The following PPP6R3 variants were observed in gnomAD, a reference collection of about 807,000 sequenced individuals.
PPP6R3 encodes serine/threonine-protein phosphatase 6 regulatory subunit 3.
PPP6R3 carries 38 observed loss-of-function variants against 110.7 expected under a neutral mutation model. The observed-to-expected ratio is 0.34, with a 90% CI of 0.26 to 0.45. The LOEUF is 0.45. Ranked by LOEUF, PPP6R3 falls within the 20% of genes least tolerant of loss-of-function variation. The pLI is 1.00. For synonymous variants in PPP6R3, 369 were observed against 373.5 expected, an observed-to-expected ratio of 0.99 and a Z score of 0.14; for missense variants, 870 against 1,062.4, an observed-to-expected ratio of 0.82 and a Z score of 2.52.
intron 20 of PPP6R3, among the ~76,000 whole-genome samples, chr11:68,601,123 C>T (rs1420486955): frequency 6.6e-6 from 1 of 152,180 alleles, no homozygotes; most frequent in Non-Finnish European, 1.5e-5. Context: ...CTCAGAGGTA[C>T]AAGTGAGATT....
chr11:68,536,311 A>G (rs910017512), intron 2 of PPP6R3, among the ~76,000 whole-genome samples: 4 of 151,898 alleles, frequency 2.6e-5, no homozygotes, highest in African/African-American at 9.7e-5. Flanking sequence ...TTGTGGAAAC[A>G]GGGTCCTCAC....
intron 1 of PPP6R3, among the ~76,000 whole-genome samples, chr11:68,510,054 C>CTT (rs372113258): frequency 0.06 from 4,606 of 76,924 alleles, 474 homozygotes; most frequent in African/African-American, 0.085. Flanking sequence ...TGTGCTCGGC[C>CTT]TTTTTTTTTT....
intron 1 of PPP6R3, among the ~76,000 whole-genome samples, chr11:68,477,324 A>G (rs1591673167): frequency 1.3e-5 from 2 of 152,072 alleles, no homozygotes; most frequent in African/African-American, 4.8e-5. Context: ...ACTTTATGAT[A>G]GACTTATTGG....
chr11:68,528,826 C>T (rs920710446), intron 2 of PPP6R3, among the ~76,000 whole-genome samples: 3 of 152,200 alleles, frequency 2.0e-5, no homozygotes, highest in Non-Finnish European at 2.9e-5. Flanking sequence ...TTGTCAGGCA[C>T]TGTTCAACTA....
chr11:68,587,944 GATGCAACAAATGACGTCCA>G lies in PPP6R3; in HGVS notation c.1653_1671del (p.Met551IlefsTer121). The stretch of plus-strand genomic sequence containing the variant: ...GTTGCCAGGCCTTTTCTGATTATCA[GATGCAACAAATGACGTCCA>G]ATTTTATTGACCAGTTTGGCTTCAA... On this transcript the variant is annotated frameshift_variant, in exon 16 of 24. Coordinates refer to ENST00000393800, the MANE Select transcript of PPP6R3 (RefSeq NM_001164161.2). LOFTEE classifies it high-confidence loss of function. The G allele has an allele frequency of 6.2e-7, 1 of 1,614,176 alleles. No homozygotes were observed. Among genetic ancestry groups the G allele is most frequent in the Non-Finnish European group, 8.5e-7 (1 of 1,180,014 alleles).
chr11:68,535,954 A>G (rs1250609321), intron 2 of PPP6R3, among the ~76,000 whole-genome samples: 1 of 152,048 alleles, frequency 6.6e-6, no homozygotes, highest in Admixed American at 6.6e-5. Context: ...GTGACAGAGC[A>G]AGACTCTGTC....
intron 1 of PPP6R3, among the ~76,000 whole-genome samples, chr11:68,508,088 C>CT (rs1335899074): frequency 7.5e-6 from 1 of 132,968 alleles, no homozygotes. Context: ...ATTACTACTG[C>CT]TTTTTTTCCC....
intron 3 of PPP6R3, among the ~76,000 whole-genome samples, chr11:68,540,660 C>T (rs1173994318): frequency 6.6e-6 from 1 of 151,644 alleles, no homozygotes; most frequent in Non-Finnish European, 1.5e-5. Flanking sequence ...TGTCTCACCT[C>T]TGCACTGACC....
At chr11:68,605,208 T>G (rs561786734) in intron 22 of PPP6R3, among the ~76,000 whole-genome samples, 1 of 152,188 alleles carries the variant, frequency 6.6e-6, no homozygotes, top group East Asian at 1.9e-4. Context: ...AGTGTGGTGG[T>G]GTGTGCCTGT....
At chr11:68,561,201 C>T (rs1203813005) in intron 8 of PPP6R3, among the ~76,000 whole-genome samples, 1 of 152,146 alleles carries the variant, frequency 6.6e-6, no homozygotes, top group Non-Finnish European at 1.5e-5. Flanking sequence ...ATACCTTATA[C>T]AATGTAAATG....
chr11:68,495,804 A>G (rs1325682643), intron 1 of PPP6R3, among the ~76,000 whole-genome samples: 1 of 152,142 alleles, frequency 6.6e-6, no homozygotes, highest in Admixed American at 6.6e-5. Context: ...TTTATGTACA[A>G]ATTATTCTGT....
Position 68,614,028 on chromosome 11 carries a change from A to C in PPP6R3, c.*911A>C, listed in dbSNP as rs1944685675. ...CATCACCAATGAACATTTCAGAGCA[A>C]TCTGCATATTTAACAGACCTAAAAT... On this transcript the variant is annotated 3_prime_UTR_variant, in exon 24 of 24. Coordinates refer to ENST00000393800, the MANE Select transcript of PPP6R3 (RefSeq NM_001164161.2). 1 of 985,714 alleles carries C rather than the reference A, an allele frequency of 1.0e-6. No homozygotes were observed. The highest frequency in any genetic ancestry group is 1.2e-6 in the Non-Finnish European group (1 of 829,904). The allele number at this position is 985,714 out of a possible 1,614,324, so 61.1% of individuals were successfully genotyped here.
chr11:68,545,106 T>G, intron 4 of PPP6R3, 82 bp downstream of exon 4: 1 of 1,147,958 alleles, frequency 8.7e-7, no homozygotes, highest in Non-Finnish European at 1.2e-6. Flanking sequence ...GCTTTAAGAG[T>G]TCTAACTTTG....
chr11:68,604,516 T>G (rs534411214), intron 22 of PPP6R3, among the ~76,000 whole-genome samples: 1 of 152,354 alleles, frequency 6.6e-6, no homozygotes, highest in East Asian at 1.9e-4. Context: ...GGACCTACAG[T>G]TGCTATTTGT....
Position 68,610,013 on chromosome 11 carries a change from C to T in PPP6R3, c.2560C>T (p.Pro854Ser). ...GGCGCCCAGGCCTCCCAGCAGCAGT[C>T]CCGAGCAGAGGTAACCACCCGCCTC... is the stretch of plus-strand genomic sequence containing the variant. Reference protein sequence around the residue: ...CAAPRPPSSSPEQRTGQPSAP... With the variant: ...CAAPRPPSSSSEQRTGQPSAP... Residue 854 changes from proline (P) to serine (S), a missense_variant, in exon 23 of 24, where the codon CCC becomes TCC. Pro to Ser is a moderately conservative substitution (Grantham distance 74). Coordinates refer to ENST00000393800, the MANE Select transcript of PPP6R3 (RefSeq NM_001164161.2). 3.1e-6 allele frequency: 5 copies of T among 1,613,890 alleles called. No individual in the cohort carries two copies. Among genetic ancestry groups the T allele is most frequent in the Non-Finnish European group, 3.4e-6 (4 of 1,179,996 alleles).
At chr11:68,504,851 C>A (rs768531946) in intron 1 of PPP6R3, among the ~76,000 whole-genome samples, 3 of 152,142 alleles carry the variant, frequency 2.0e-5, no homozygotes, top group Admixed American at 6.5e-5. Context: ...TGTGTTTTTA[C>A]GTGTGGACTA....
At chr11:68,506,745 C>G (rs868599444) in intron 1 of PPP6R3, among the ~76,000 whole-genome samples, 2 of 152,332 alleles carry the variant, frequency 1.3e-5, no homozygotes, top group Middle Eastern at 3.4e-3. Flanking sequence ...TCTCACCTTT[C>G]AGCAATCTTT....
chr11:68,592,608 A>G (rs2099598954), intron 18 of PPP6R3, among the ~76,000 whole-genome samples: 1 of 152,140 alleles, frequency 6.6e-6, no homozygotes, highest in African/African-American at 2.4e-5. Flanking sequence ...CAGAGTTGAT[A>G]AGGGAGTTGA....
chr11:68,607,332 T>C (rs1335451193), intron 22 of PPP6R3, among the ~76,000 whole-genome samples: 3 of 152,106 alleles, frequency 2.0e-5, no homozygotes, highest in Non-Finnish European at 2.9e-5. Flanking sequence ...TGTGATGAAA[T>C]AGAGGGATTA....
Sources: allele counts gnomAD v4.1 joint callset (sites outside exome capture counted in the v4.1 genomes callset), GRCh38; gene constraint gnomAD v4.1.1; transcripts MANE v1.5; gene names NCBI Gene and HGNC (gene_info 2026-07-23, HGNC 2026-07-21).